The following RPS20 variants were observed in gnomAD, a reference collection of about 807,000 sequenced individuals.
RPS20 encodes the protein small ribosomal subunit protein uS10.
RPS20 carries 3 observed loss-of-function variants against 15.3 expected under a neutral mutation model. The ratio of observed to expected loss-of-function variants is 0.20; its 90% CI spans 0.09 to 0.51. The LOEUF is 0.51. RPS20 is among the 20% of genes least tolerant of loss of function. The probability of loss-of-function intolerance (pLI) is 0.96; values close to 1 mark genes in which losing one functional copy is unlikely to be tolerated. For missense variants in RPS20, 67 were observed against 145.9 expected (o/e 0.46, Z 2.79); for synonymous variants, 62 against 47.8 (o/e 1.30, Z -1.23).
downstream of RPS20, chr8:56,069,814 G>GC (rs1563346057): frequency 2.0e-6 from 3 of 1,527,482 alleles, no homozygotes; most frequent in South Asian, 3.6e-5. Context: ...CATGGGTTCT[G>GC]CATCTGTAGA....
At chr8:56,069,749 A>G, downstream of RPS20, 1 of 1,551,646 alleles carries the variant, frequency 6.4e-7, no homozygotes. Context: ...TAAAAAGGAC[A>G]TGTCCCCGGG....
Position 56,074,471 on chromosome 8 carries a change from A to G in RPS20, c.-88T>C. 6.9e-7 allele frequency: 1 copy of G among 1,448,278 alleles called. No individual in the cohort carries two copies. The highest frequency in any genetic ancestry group is 2.5e-5 in the East Asian group (1 of 40,434). The allele number at this position is 1,448,278 out of a possible 1,614,324, so 89.7% of individuals were successfully genotyped here. On this transcript the variant is annotated 5_prime_UTR_variant, in exon 1 of 4. Coordinates refer to ENST00000009589, the MANE Select transcript of RPS20 (RefSeq NM_001023.4). ...AGGAGCAGGAGCGTGCGGACCAAAA[A>G]TCCTCAGCCCTTACGACCGCGTCTT...
downstream of RPS20, chr8:56,069,564 G>A: frequency 1.6e-6 from 1 of 637,768 alleles, no homozygotes; most frequent in Admixed American, 2.6e-5. Context: ...CTCCCAAAGT[G>A]CTGAGATTAC....
At chr8:56,070,726 C>T (rs1313542659), downstream of RPS20, among the ~76,000 whole-genome samples, 3 of 147,286 alleles carry the variant, frequency 2.0e-5, no homozygotes, top group Non-Finnish European at 4.5e-5. Flanking sequence ...GAGACTGTTT[C>T]CATTTAAATT....
downstream of RPS20, chr8:56,072,856 G>A (rs1297153256): frequency 1.2e-5 from 15 of 1,227,848 alleles, no homozygotes; most frequent in African/African-American, 1.5e-5. Context: ...GTTATAAACT[G>A]CCAGTGTCCA....
downstream of RPS20, chr8:56,069,757 G>A (rs542038027): frequency 1.7e-4 from 258 of 1,551,474 alleles, 1 homozygote; most frequent in South Asian, 2.8e-3. Context: ...ACATGTCCCC[G>A]GGGATTCGAA....
chr8:56,070,493 T>C (rs1173886812), downstream of RPS20, among the ~76,000 whole-genome samples: 4 of 152,002 alleles, frequency 2.6e-5, no homozygotes, highest in Non-Finnish European at 4.4e-5. Context: ...CCTAGCACTA[T>C]GGGAGGCCGA....
chr8:56,070,288 A>T (rs933012769), downstream of RPS20, among the ~76,000 whole-genome samples: 3 of 152,218 alleles, frequency 2.0e-5, no homozygotes, highest in African/African-American at 7.2e-5. Flanking sequence ...ACTGAGGCTC[A>T]AAGTCAAGTA....
chr8:56,073,196 T>C lies in RPS20; in HGVS notation c.254A>G (p.His85Arg). 6.2e-7 allele frequency: 1 copy of C among 1,602,416 alleles called. No individual in the cohort carries two copies. Among genetic ancestry groups the C allele is most frequent in the Non-Finnish European group, 8.5e-7 (1 of 1,179,876 alleles). ...KTWDRFQMRIHKRLIDLHSPS... is the reference protein window; with the variant it reads ...KTWDRFQMRIRKRLIDLHSPS... ...ACTGTGCAAGTCAATGAGTCGCTTG[T>C]GAATTCTCATCTGGAAACGATCCCA... The change falls in exon 4 of 4, where the codon CAC becomes CGC. Residue 85 changes from histidine to arginine, a missense_variant. His to Arg is a conservative substitution (Grantham distance 29). Transcript: ENST00000009589.
chr8:56,069,756 C>A, downstream of RPS20: 3 of 1,551,530 alleles, frequency 1.9e-6, no homozygotes, highest in South Asian at 2.4e-5. Context: ...GACATGTCCC[C>A]GGGGATTCGA....
chr8:56,073,848 T>A (rs145436920), intron 2 of RPS20, 80 bp from the exon 3 acceptor site: 10 of 1,335,604 alleles, frequency 7.5e-6, no homozygotes, highest in African/African-American at 1.4e-5. Context: ...TGGCTCAGAA[T>A]AGCGTATAAA....
downstream of RPS20, among the ~76,000 whole-genome samples, chr8:56,071,100 C>T (rs80112801): frequency 4.4e-3 from 664 of 152,314 alleles, 5 homozygotes; most frequent in African/African-American, 0.015. Flanking sequence ...TTCTCAATTA[C>T]GTATAGCTTT....
chr8:56,068,679 T>A (rs1393945738), downstream of RPS20: 1 of 151,836 alleles, frequency 6.6e-6, no homozygotes, highest in African/African-American at 2.4e-5. Context: ...GCGATTTTTT[T>A]TGTATACCAG....
chr8:56,068,605 T>C, downstream of RPS20: 1 of 147,122 alleles, frequency 6.8e-6, no homozygotes, highest in Non-Finnish European at 1.5e-5. Context: ...CTTCAGAAGG[T>C]CATGCAATCA....
At chr8:56,072,968 T>A, downstream of RPS20, 1 of 1,450,844 alleles carries the variant, frequency 6.9e-7, no homozygotes, top group Non-Finnish European at 9.0e-7. Context: ...AAGATACCCA[T>A]ATATTCCACC....
downstream of RPS20, chr8:56,069,827 C>T (rs1458079215): frequency 1.3e-5 from 19 of 1,476,306 alleles, no homozygotes; most frequent in African/African-American, 1.3e-4. Flanking sequence ...TCTGTAGATT[C>T]GATCAACTGT....
At chr8:56,068,812 T>A, downstream of RPS20, among the ~76,000 whole-genome samples, 1 of 60,818 alleles carries the variant, frequency 1.6e-5, no homozygotes, top group Non-Finnish European at 3.1e-5. Flanking sequence ...AATATCTTTT[T>A]TTTTTTTTTT....
At chr8:56,070,431 G>A (rs968829150), downstream of RPS20, among the ~76,000 whole-genome samples, 1 of 152,160 alleles carries the variant, frequency 6.6e-6, no homozygotes, top group Non-Finnish European at 1.5e-5. Flanking sequence ...CTCTACGGAT[G>A]TCATGTGAAG....
chr8:56,069,884 A>T, downstream of RPS20: 1 of 839,404 alleles, frequency 1.2e-6, no homozygotes, highest in Non-Finnish European at 2.0e-6. Context: ...GCACATGTAT[A>T]GACATTCTTT....
Sources: gnomAD v4.1 joint callset for allele counts (sites outside exome capture counted in the v4.1 genomes callset) on GRCh38, gnomAD v4.1.1 for gene constraint, MANE v1.5 for transcripts, NCBI Gene and HGNC (gene_info 2026-07-23, HGNC 2026-07-21) for gene names.